Variants in MAGI2 observed in about 807,000 individuals in gnomAD.
MAGI2 encodes membrane-associated guanylate kinase, WW and PDZ domain-containing protein 2.
In MAGI2, 35 loss-of-function variants were observed where a neutral mutation model predicts 133.3. The observed-to-expected ratio is 0.26, with a 90% CI of 0.20 to 0.35. The LOEUF (loss-of-function observed/expected upper bound fraction) is 0.35, where lower values mean the gene tolerates loss of function less well. Among genes scored for constraint, MAGI2 ranks in the 10% least tolerant of loss-of-function variants. The probability of loss-of-function intolerance (pLI) is 1.00; values close to 1 mark genes in which losing one functional copy is unlikely to be tolerated. For missense variants in MAGI2, 1,636 were observed against 1,863.4 expected (o/e 0.88, Z 2.25); for synonymous variants, 729 against 710.6 (o/e 1.03, Z -0.41).
In MAGI2 at chr7:78,236,655, C is replaced by T. The variant is rs527484418; in HGVS notation, c.2047+19288G>A. On this transcript the variant is annotated intron_variant, in intron 10 of 21. Coordinates refer to ENST00000354212, the MANE Select transcript of MAGI2 (RefSeq NM_012301.4). The stretch of plus-strand genomic sequence containing the variant: ...GGTAAATGTTAACATGTTCCTTATG[C>T]ATTTAGGTGTGCATTTAAGGTGTTA... Among the ~76,000 whole-genome samples the T allele has an allele frequency of 2.6e-5, 4 of 152,148 alleles. No homozygotes were observed. The South Asian group carries it at 8.3e-4, about 32-fold the overall frequency.
intron 1 of MAGI2, among the ~76,000 whole-genome samples, chr7:79,436,299 T>G (rs1848143124): frequency 6.6e-6 from 1 of 150,448 alleles, no homozygotes; most frequent in Non-Finnish European, 1.5e-5. Flanking sequence ...ACAAATAATT[T>G]ATGACTAAGA....
chr7:78,601,176 T>C (rs973556435), intron 3 of MAGI2, among the ~76,000 whole-genome samples: 2 of 152,166 alleles, frequency 1.3e-5, no homozygotes, highest in African/African-American at 4.8e-5. Context: ...TCCATGCTTA[T>C]TGGGTACCTT....
chr7:78,258,734 T>C (rs747895298), intron 9 of MAGI2, among the ~76,000 whole-genome samples: 2 of 152,240 alleles, frequency 1.3e-5, no homozygotes, highest in Non-Finnish European at 2.9e-5. Flanking sequence ...AATATGTTTG[T>C]GATATTTATC....
At position 79,186,285 on chromosome 7, in the gene MAGI2, T is replaced by C. The variant is rs144577726; in HGVS notation, c.302-179079A>G. ...ATAAACTACATACATTTAAACTATA[T>C]ATATAAAGTTTAATGAGCGACCATG... On this transcript the variant is annotated intron_variant, in intron 1 of 21. Transcript: ENST00000354212. Among the ~76,000 whole-genome samples the C allele has an allele frequency of 4.3e-4, 62 of 144,432 alleles. 1 individual carries two copies. The East Asian group carries it at 0.011, about 26-fold the overall frequency. 94.8% of individuals were successfully genotyped at this position (144,432 alleles called of 152,430 possible).
intron 1 of MAGI2, among the ~76,000 whole-genome samples, chr7:79,421,916 T>A (rs933090745): frequency 6.6e-6 from 1 of 152,056 alleles, no homozygotes; most frequent in African/African-American, 2.4e-5. Context: ...CATATTCTTG[T>A]ATTTCTTTTT....
chr7:79,035,189 AG>A (rs1317194081), intron 1 of MAGI2, among the ~76,000 whole-genome samples: 5 of 126,116 alleles, frequency 4.0e-5, no homozygotes, highest in Non-Finnish European at 6.6e-5. Flanking sequence ...CACAAAAAAA[AG>A]TGTGTGTGTG....
intron 1 of MAGI2, among the ~76,000 whole-genome samples, chr7:79,143,842 A>G: frequency 6.6e-6 from 1 of 152,322 alleles, no homozygotes; most frequent in Non-Finnish European, 1.5e-5. Context: ...ATATAACATT[A>G]AAATGTAAAA....
intron 1 of MAGI2, chr7:79,412,941 G>A (rs148971260): frequency 6.6e-6 from 1 of 152,146 alleles, no homozygotes; most frequent in East Asian, 1.9e-4. Flanking sequence ...GCCTTTTGAG[G>A]GAGAAAATAT....
intron 2 of MAGI2, among the ~76,000 whole-genome samples, chr7:78,862,316 T>A (rs1032166921): frequency 1.3e-5 from 2 of 152,190 alleles, no homozygotes; most frequent in South Asian, 4.1e-4. Flanking sequence ...GGACTTTAGG[T>A]CTCCTGGTCC....
chr7:78,314,073 C>T (rs1665741730), intron 9 of MAGI2, among the ~76,000 whole-genome samples: 1 of 152,112 alleles, frequency 6.6e-6, no homozygotes, highest in Admixed American at 6.6e-5. Context: ...TACGATTTAT[C>T]ATGGAGCCAA....
intron 1 of MAGI2, among the ~76,000 whole-genome samples, chr7:79,342,254 G>A (rs1329706343): frequency 6.6e-6 from 1 of 152,222 alleles, no homozygotes; most frequent in Non-Finnish European, 1.5e-5. Flanking sequence ...ATCAGAAAGC[G>A]AAGGGCCTAG....
chr7:79,444,157 C>T (rs966911100), intron 1 of MAGI2, among the ~76,000 whole-genome samples: 6 of 152,234 alleles, frequency 3.9e-5, no homozygotes, highest in Middle Eastern at 3.4e-3. Context: ...ATTGATGGGA[C>T]GTATCTCAAA....
intron 2 of MAGI2, among the ~76,000 whole-genome samples, chr7:78,909,631 AG>A (rs1798260420): frequency 6.7e-6 from 1 of 149,762 alleles, no homozygotes; most frequent in Non-Finnish European, 1.5e-5. Flanking sequence ...AAAAAAGTCA[AG>A]AAACAACAGA....
At chr7:78,380,477 G>A (rs552992343) in intron 6 of MAGI2, among the ~76,000 whole-genome samples, 17 of 152,248 alleles carry the variant, frequency 1.1e-4, no homozygotes, top group South Asian at 4.1e-4. Context: ...ATTATAGTAA[G>A]TGAAACAAGC....
At chr7:78,380,686 A>T (rs1794843809) in intron 6 of MAGI2, among the ~76,000 whole-genome samples, 1 of 152,172 alleles carries the variant, frequency 6.6e-6, no homozygotes, top group Non-Finnish European at 1.5e-5. Context: ...ATTGCACAAC[A>T]GGGAGACTAT....
intron 2 of MAGI2, among the ~76,000 whole-genome samples, chr7:78,822,464 G>T (rs1790213638): frequency 6.6e-6 from 1 of 151,982 alleles, no homozygotes; most frequent in Non-Finnish European, 1.5e-5. Context: ...TTTTCAATTT[G>T]TTTTTTGTTA....
At chr7:78,208,598 T>TA (rs1253012736) in intron 10 of MAGI2, among the ~76,000 whole-genome samples, 1 of 151,842 alleles carries the variant, frequency 6.6e-6, no homozygotes, top group African/African-American at 2.4e-5. Flanking sequence ...TGGCACACTG[T>TA]AAAAAATTGG....
chr7:78,259,914 A>G (rs1793354501), intron 9 of MAGI2, among the ~76,000 whole-genome samples: 1 of 152,186 alleles, frequency 6.6e-6, no homozygotes, highest in South Asian at 2.1e-4. Flanking sequence ...ACAGAGTGAG[A>G]ACTATTTGTG....
intron 16 of MAGI2, among the ~76,000 whole-genome samples, chr7:78,137,723 C>T (rs1822302795): frequency 6.6e-6 from 1 of 152,090 alleles, no homozygotes; most frequent in Non-Finnish European, 1.5e-5. Context: ...ACAAAAAAGA[C>T]GATGTTGCAG....
Sources: allele counts gnomAD v4.1 joint callset (sites outside exome capture counted in the v4.1 genomes callset), GRCh38; gene constraint gnomAD v4.1.1; transcripts MANE v1.5; gene names NCBI Gene and HGNC (gene_info 2026-07-23, HGNC 2026-07-21).